DAB1: variants seen among roughly 807,000 people sequenced by gnomAD.
DAB1 encodes disabled homolog 1.
Under a neutral mutation model 64.6 loss-of-function variants are expected in DAB1, and 15 were observed. That is an observed-to-expected ratio of 0.23 (90% CI 0.16 to 0.36). The LOEUF is 0.36. DAB1 is among the 10% of genes least tolerant of loss of function. The pLI is 1.00. For missense variants in DAB1, 596 were observed against 706.7 expected, an observed-to-expected ratio of 0.84 and a Z score of 1.78; for synonymous variants, 235 against 251.9, an observed-to-expected ratio of 0.93 and a Z score of 0.64.
At chr1:57,593,592 C>T (rs1238893904) in intron 7 of DAB1, among the ~76,000 whole-genome samples, 1 of 152,136 alleles carries the variant, frequency 6.6e-6, no homozygotes, top group East Asian at 1.9e-4. Flanking sequence ...TACATATATG[C>T]AGACAATAGT....
At position 58,457,534 on chromosome 1, in the gene DAB1, C is replaced by T. The variant is rs549698443; in HGVS notation, n.257+48526G>A. 2.0e-3 allele frequency among the ~76,000 whole-genome samples: 298 copies of T among 152,332 alleles called. 2 individuals carry two copies. The highest frequency in any genetic ancestry group is 7.0e-3 in the African/African-American group (291 of 41,584). On this transcript the variant is annotated intron_variant and non_coding_transcript_variant, in intron 3 of 20. Coordinates refer to the DAB1 transcript ENST00000485760. ...GATTAGGGAAAAAAATCCCTTAACC[C>T]CGAGGCAGAGCAATAACAACATGGA...
intron 2 of DAB1, among the ~76,000 whole-genome samples, chr1:58,518,695 T>A (rs752552457): frequency 6.6e-6 from 1 of 151,998 alleles, no homozygotes; most frequent in Non-Finnish European, 1.5e-5. Flanking sequence ...GGTAGTATAT[T>A]CATTGGGAAA....
intron 2 of DAB1, among the ~76,000 whole-genome samples, chr1:57,236,605 A>G (rs1325925945): frequency 6.6e-6 from 1 of 152,220 alleles, no homozygotes; most frequent in African/African-American, 2.4e-5. Flanking sequence ...CACAGGAGAA[A>G]CAAATCAACA....
At chr1:57,528,482 A>C (rs1644619627) in intron 7 of DAB1, among the ~76,000 whole-genome samples, 1 of 152,158 alleles carries the variant, frequency 6.6e-6, no homozygotes, top group South Asian at 2.1e-4. Flanking sequence ...TTGATGACTT[A>C]TTAGCTGAAG....
At position 57,390,459 on chromosome 1, in the gene DAB1, G is replaced by A. The variant is rs1247854052; in HGVS notation, c.-137+33471C>T. ...TCTATTCAGACACCAAAATAATCACGATTGTACTCCTGACCTGAAAATCAC... is the reference window on the plus strand; with the variant it reads ...TCTATTCAGACACCAAAATAATCACAATTGTACTCCTGACCTGAAAATCAC... On this transcript the variant is annotated intron_variant, in intron 1 of 14. Coordinates refer to ENST00000371236, the MANE Select transcript of DAB1 (RefSeq NM_001365792.1). 4.6e-5 allele frequency among the ~76,000 whole-genome samples: 7 copies of A among 152,246 alleles called. No individual in the cohort carries two copies. The South Asian group carries it at 1.0e-3, about 23-fold the overall frequency.
chr1:57,561,420 T>C (rs928835286), intron 7 of DAB1, among the ~76,000 whole-genome samples: 1 of 152,216 alleles, frequency 6.6e-6, no homozygotes, highest in Non-Finnish European at 1.5e-5. Context: ...ATTCATGGGC[T>C]GTAGCCAATG....
At chr1:57,715,055 C>G (rs955453210) in intron 6 of DAB1, among the ~76,000 whole-genome samples, 2 of 152,106 alleles carry the variant, frequency 1.3e-5, no homozygotes, top group African/African-American at 4.8e-5. Flanking sequence ...CCAAATTAAA[C>G]AATACATTAA....
At chr1:58,302,175 A>G (rs1236277152) in intron 4 of DAB1, among the ~76,000 whole-genome samples, 2 of 152,178 alleles carry the variant, frequency 1.3e-5, no homozygotes, top group African/African-American at 4.8e-5. Flanking sequence ...AAATGTCACA[A>G]AATTAATCTC....
intron 5 of DAB1, among the ~76,000 whole-genome samples, chr1:57,941,574 C>T (rs984894986): frequency 6.6e-6 from 1 of 152,208 alleles, no homozygotes; most frequent in African/African-American, 2.4e-5. Context: ...TGGTGGCTCA[C>T]GCCTGTAATC....
chr1:57,340,569 C>T lies in DAB1; in HGVS notation c.-136-49403G>A, dbSNP rs115444747. ...AACCATTTGCTAGGCTATGTGGAGA[C>T]ACAGTCTACATTTGCTTCAATTCCT... On this transcript the variant is annotated intron_variant, in intron 1 of 14. Transcript: ENST00000371236. Among the ~76,000 whole-genome samples the T allele has an allele frequency of 3.0e-4, 46 of 152,332 alleles. 1 individual carries two copies. Among genetic ancestry groups the T allele is most frequent in the African/African-American group, 1.1e-3 (44 of 41,578 alleles).
intron 6 of DAB1, among the ~76,000 whole-genome samples, chr1:57,729,849 C>A (rs1647333550): frequency 6.6e-6 from 1 of 152,104 alleles, no homozygotes; most frequent in Non-Finnish European, 1.5e-5. Flanking sequence ...TCGCTTGAGG[C>A]CAGGAGTTCA....
intron 1 of DAB1, among the ~76,000 whole-genome samples, chr1:57,320,442 T>C (rs1675610092): frequency 6.6e-6 from 1 of 152,216 alleles, no homozygotes; most frequent in Admixed American, 6.5e-5. Context: ...TTGAATTTTG[T>C]AAGGTCATAG....
chr1:58,014,991 T>C (rs748913796), intron 5 of DAB1, among the ~76,000 whole-genome samples: 12 of 152,188 alleles, frequency 7.9e-5, no homozygotes, highest in African/African-American at 1.4e-4. Context: ...CCCAAACCTA[T>C]GGTGAATTGG....
chr1:57,702,460 C>A (rs1472368979), intron 6 of DAB1, among the ~76,000 whole-genome samples: 4 of 152,168 alleles, frequency 2.6e-5, no homozygotes, highest in Non-Finnish European at 5.9e-5. Context: ...TCTAGTCCTG[C>A]TCCAACTTGT....
At chr1:57,184,937 G>A (rs144587721) in intron 2 of DAB1, among the ~76,000 whole-genome samples, 10 of 152,160 alleles carry the variant, frequency 6.6e-5, no homozygotes, top group African/African-American at 9.6e-5. Flanking sequence ...CATGGACCCC[G>A]CAGGCATCCA....
chr1:57,004,475 A>G (rs1270705476), intron 14 of DAB1, among the ~76,000 whole-genome samples: 1 of 152,198 alleles, frequency 6.6e-6, no homozygotes, highest in Non-Finnish European at 1.5e-5. Flanking sequence ...GCGCCATGCA[A>G]TCAGCTTGCT....
intron 4 of DAB1, among the ~76,000 whole-genome samples, chr1:58,268,305 T>C (rs1438540312): frequency 1.3e-5 from 2 of 152,140 alleles, no homozygotes; most frequent in African/African-American, 4.8e-5. Flanking sequence ...TAGATATATT[T>C]AAGACCTGAG....
intron 3 of DAB1, among the ~76,000 whole-genome samples, chr1:58,386,962 A>G (rs1644437441): frequency 6.6e-6 from 1 of 152,210 alleles, no homozygotes; most frequent in Admixed American, 6.5e-5. Context: ...CAGCAGGCTG[A>G]GGTAGGAGAA....
chr1:58,128,341 A>G (rs1653279245), intron 5 of DAB1, among the ~76,000 whole-genome samples: 2 of 148,246 alleles, frequency 1.3e-5, no homozygotes, highest in African/African-American at 2.5e-5. Context: ...GTTGCTTATC[A>G]GCTTAAGGAG....
Sources: gnomAD v4.1 joint callset for allele counts (sites outside exome capture counted in the v4.1 genomes callset) on GRCh38, gnomAD v4.1.1 for gene constraint, MANE v1.5 for transcripts, NCBI Gene and HGNC (gene_info 2026-07-23, HGNC 2026-07-21) for gene names.